CDK12: variants seen among roughly 807,000 people sequenced by gnomAD.
CDK12 encodes the protein cyclin-dependent kinase 12.
In CDK12, 17 loss-of-function variants were observed where a neutral mutation model predicts 133.8. The observed-to-expected ratio is 0.13, with a 90% CI of 0.09 to 0.19. The LOEUF (loss-of-function observed/expected upper bound fraction) is 0.19, where lower values mean the gene tolerates loss of function less well. CDK12 is among the 10% of genes least tolerant of loss of function. The pLI is 1.00. For missense variants in CDK12, 1,508 were observed against 1,818.7 expected, an observed-to-expected ratio of 0.83 and a Z score of 3.11; for synonymous variants, 694 against 683.6, an observed-to-expected ratio of 1.02 and a Z score of -0.24.
At position 39,524,748 on chromosome 17, in the gene CDK12, T is replaced by A. The variant is rs753630442; in HGVS notation, c.3170T>A (p.Val1057Asp). Residue 1057 changes from valine to aspartate, a missense_variant, in exon 12 of 14, where the codon GTC (valine) becomes GAC (aspartate). Around this residue, in one of 9 missense-constraint regions of CDK12, gnomAD observed 399 missense variants for 469.6 expected, o/e 0.85. Coordinates refer to ENST00000447079, the MANE Select transcript of CDK12 (RefSeq NM_016507.4). The part of the protein sequence containing the change: ...RRRQRQSGVV[V>D]EEPPPSKTSR... Reference sequence around the variant, plus strand: ...CGTCAGCGACAAAGTGGTGTTGTAGTCGAAGAGCCACCTCCATCCAAAACT... The same window carrying A: ...CGTCAGCGACAAAGTGGTGTTGTAGACGAAGAGCCACCTCCATCCAAAACT... 1 of 1,614,154 alleles carries A rather than the reference T, an allele frequency of 6.2e-7. No individual in the cohort carries two copies. The highest frequency in any genetic ancestry group is 8.5e-7 in the Non-Finnish European group (1 of 1,180,024).
At position 39,461,492 on chromosome 17, in the gene CDK12, C is replaced by G. The variant is rs559896613; in HGVS notation, c.-580C>G. The G allele has an allele frequency of 5.1e-5, 12 of 234,102 alleles. No individual in the cohort carries two copies. The highest frequency in any genetic ancestry group is 9.3e-5 in the Non-Finnish European group (11 of 118,818). The allele number at this position is 234,102 out of a possible 1,614,324, so 14.5% of individuals were successfully genotyped here. Reference sequence around the variant, plus strand: ...TGCCCCTCCCCCCTTCCCCAAGTGCCGTTTCGGTTTAATCTAGTGTGTGAC... The same window carrying G: ...TGCCCCTCCCCCCTTCCCCAAGTGCGGTTTCGGTTTAATCTAGTGTGTGAC... On this transcript the variant is annotated 5_prime_UTR_variant, in exon 1 of 14. Transcript: ENST00000447079.
intron 2 of CDK12, among the ~76,000 whole-genome samples, chr17:39,489,013 T>C (rs1279214398): frequency 6.6e-6 from 1 of 151,458 alleles, no homozygotes; most frequent in African/African-American, 2.4e-5. Flanking sequence ...CTCCTCCTCC[T>C]AGGCTCAAGC....
At chr17:39,500,392 G>A (rs568665485) in intron 5 of CDK12, among the ~76,000 whole-genome samples, 28 of 152,148 alleles carry the variant, frequency 1.8e-4, no homozygotes, top group African/African-American at 6.0e-4. Context: ...CAACACTTTG[G>A]GAAGCTAAGG....
chr17:39,532,313 T>G lies in CDK12; in HGVS notation c.*997T>G, dbSNP rs1256586541. Reference sequence around the variant, plus strand: ...AACTCTTCAATTCTAAAATGTTTTGTTTTTTAAACCATGTTCTGATGGGGA... The same window carrying G: ...AACTCTTCAATTCTAAAATGTTTTGGTTTTTAAACCATGTTCTGATGGGGA... On this transcript the variant is annotated 3_prime_UTR_variant, in exon 14 of 14. Coordinates refer to ENST00000447079, the MANE Select transcript of CDK12 (RefSeq NM_016507.4). 1 of 233,244 alleles carries G rather than the reference T, an allele frequency of 4.3e-6. No homozygotes were observed. Among genetic ancestry groups the G allele is most frequent in the African/African-American group, 2.2e-5 (1 of 45,346 alleles). 14.4% of individuals were successfully genotyped at this position (233,244 alleles called of 1,614,324 possible).
chr17:39,506,633 G>C (rs1345963285), intron 6 of CDK12, among the ~76,000 whole-genome samples: 1 of 152,134 alleles, frequency 6.6e-6, no homozygotes, highest in Non-Finnish European at 1.5e-5. Flanking sequence ...ACAAGCTAAG[G>C]CAACGAGGAA....
intron 2 of CDK12, among the ~76,000 whole-genome samples, chr17:39,483,730 A>T (rs1387279164): frequency 6.8e-6 from 1 of 147,824 alleles, no homozygotes; most frequent in East Asian, 1.9e-4. Context: ...TTATTTATTT[A>T]TTTTTTGAGG....
Position 39,519,936 on chromosome 17 carries a change from T to G in CDK12, c.2964-20T>G, listed in dbSNP as rs2054064052. 1.2e-6 allele frequency: 2 copies of G among 1,613,372 alleles called. No individual in the cohort carries two copies. The highest frequency in any genetic ancestry group is 1.7e-6 in the Non-Finnish European group (2 of 1,179,628). On this transcript the variant is annotated intron_variant, in intron 10 of 13. Coordinates refer to ENST00000447079, the MANE Select transcript of CDK12 (RefSeq NM_016507.4). The stretch of plus-strand genomic sequence containing the variant: ...TGTAGGGTCATTGTGAACTTGTCCT[T>G]TCTGTGTTCTTTTCCATAGCATTCC...
intron 2 of CDK12, among the ~76,000 whole-genome samples, chr17:39,475,146 T>C (rs1377424898): frequency 6.6e-6 from 1 of 152,050 alleles, no homozygotes. Context: ...AAAATGTGAT[T>C]TTAAAGAAAA....
chr17:39,495,320 C>T lies in CDK12; in HGVS notation c.2419+626C>T, dbSNP rs576677804. Reference sequence around the variant, plus strand: ...CTCACACTCCTGACCTCAAGTCATCCGCCCGCCTCGGCCCCTCGAAGTGCT... The same window carrying T: ...CTCACACTCCTGACCTCAAGTCATCTGCCCGCCTCGGCCCCTCGAAGTGCT... On this transcript the variant is annotated intron_variant, in intron 5 of 13. Transcript: ENST00000447079. Among the ~76,000 whole-genome samples, 10 of 150,518 alleles carry T rather than the reference C, an allele frequency of 6.6e-5. No individual in the cohort carries two copies. The East Asian group carries it at 1.2e-3, about 18-fold the overall frequency.
chr17:39,502,614 T>G, intron 6 of CDK12, among the ~76,000 whole-genome samples: 1 of 152,220 alleles, frequency 6.6e-6, no homozygotes, highest in East Asian at 1.9e-4. Flanking sequence ...ACACTGGAAC[T>G]CAAAACTTTT....
upstream of CDK12, chr17:39,549,767 G>A (rs1167259895): frequency 6.6e-6 from 1 of 152,162 alleles, no homozygotes; most frequent in Non-Finnish European, 1.5e-5. Flanking sequence ...AAGCCCAAAA[G>A]GAAGGCATTA....
chr17:39,507,209 A>G (rs1446148222), intron 6 of CDK12, among the ~76,000 whole-genome samples: 3 of 151,280 alleles, frequency 2.0e-5, no homozygotes, highest in Admixed American at 6.6e-5. Context: ...TCTATTTTAT[A>G]TTGCAAAAAG....
intron 2 of CDK12, among the ~76,000 whole-genome samples, chr17:39,473,012 G>C (rs2049914789): frequency 6.6e-6 from 1 of 151,904 alleles, no homozygotes; most frequent in Non-Finnish European, 1.5e-5. Flanking sequence ...GGAGGCGGAG[G>C]TTGCAGTAAG....
chr17:39,511,457 C>A, intron 7 of CDK12, 72 bp from the exon 8 acceptor site: 1 of 962,924 alleles, frequency 1.0e-6, no homozygotes, highest in Non-Finnish European at 1.6e-6. Context: ...TTTCTATTTG[C>A]ATTTAGTTAT....
At chr17:39,466,622 A>G (rs1357590132) in intron 1 of CDK12, among the ~76,000 whole-genome samples, 116 of 55,824 alleles carry the variant, frequency 2.1e-3, no homozygotes, top group Non-Finnish European at 3.1e-3. Flanking sequence ...TCTGAAAAAA[A>G]AAAAAAAAAA....
chr17:39,532,508 A>G lies in CDK12; in HGVS notation c.*1192A>G, dbSNP rs1262567705. 5 of 232,038 alleles carry G rather than the reference A, an allele frequency of 2.2e-5. No homozygotes were observed. The East Asian group carries it at 2.4e-4, about 11-fold the overall frequency. The allele number at this position is 232,038 out of a possible 1,614,324, so 14.4% of individuals were successfully genotyped here. The stretch of plus-strand genomic sequence containing the variant: ...CAAACAGAGCATTGTGATATTGTCA[A>G]AGAGAAAAACAAATCCTGAAGATAC... On this transcript the variant is annotated 3_prime_UTR_variant, in exon 14 of 14. Coordinates refer to ENST00000447079, the MANE Select transcript of CDK12 (RefSeq NM_016507.4).
At chr17:39,492,021 A>G (rs1212907375) in intron 3 of CDK12, among the ~76,000 whole-genome samples, 1 of 151,200 alleles carries the variant, frequency 6.6e-6, no homozygotes, top group Non-Finnish European at 1.5e-5. Flanking sequence ...ACTAAAAAAA[A>G]AAAAAAAAAA....
downstream of CDK12, among the ~76,000 whole-genome samples, chr17:39,538,797 CT>C (rs1264924067): frequency 6.6e-6 from 1 of 152,132 alleles, no homozygotes; most frequent in African/African-American, 2.4e-5. Flanking sequence ...TCCCGGGAGG[CT>C]GAGGCAGGAG....
At position 39,532,106 on chromosome 17, in the gene CDK12, C is replaced by CTA. The variant is rs2054889594; in HGVS notation, c.*791_*792insAT. On this transcript the variant is annotated 3_prime_UTR_variant, in exon 14 of 14. Coordinates refer to ENST00000447079, the MANE Select transcript of CDK12 (RefSeq NM_016507.4). ...ATGTGTGCTCTCTCTCTCTCTTTCT[C>CTA]TCTCTCTCTCTCTCTCTCTCTCTCT... 9.5e-5 allele frequency: 2 copies of CTA among 21,028 alleles called. No homozygotes were observed. Among genetic ancestry groups the CTA allele is most frequent in the Non-Finnish European group, 3.9e-4 (2 of 5,192 alleles). 1.3% of individuals were successfully genotyped at this position (21,028 alleles called of 1,614,324 possible). A position where few individuals can be genotyped will look rare whatever the true frequency, so the allele number is the denominator to read the frequency against.
Sources: allele counts gnomAD v4.1 joint callset (sites outside exome capture counted in the v4.1 genomes callset), GRCh38; gene constraint gnomAD v4.1.1; regional missense constraint gnomAD v4.1.1; transcripts MANE v1.5; gene names NCBI Gene and HGNC (gene_info 2026-07-23, HGNC 2026-07-21).